The following SLC22A23 variants were observed in gnomAD, a reference collection of about 807,000 sequenced individuals.
SLC22A23 encodes the protein solute carrier family 22 member 23, also known as ion transporter protein.
A neutral mutation model predicts 61.0 loss-of-function variants in SLC22A23; 26 were observed. That is an observed-to-expected ratio of 0.43 (90% CI 0.31 to 0.59). SLC22A23 has a LOEUF of 0.59. Ranked by LOEUF, SLC22A23 falls within the 20% of genes least tolerant of loss-of-function variation. The pLI is 0.11. For missense variants in SLC22A23, 796 were observed against 934.7 expected (o/e 0.85, Z 1.94); for synonymous variants, 430 against 413.9 (o/e 1.04, Z -0.47).
intron 7 of SLC22A23, among the ~76,000 whole-genome samples, chr6:3,285,351 G>A (rs1233712832): frequency 6.6e-6 from 1 of 152,252 alleles, no homozygotes; most frequent in East Asian, 1.9e-4. Context: ...AGAGCCTGAG[G>A]AGAAAATGGA....
chr6:3,323,235 G>A (rs1763066551), intron 4 of SLC22A23: 1 of 456,362 alleles, frequency 2.2e-6, no homozygotes, highest in South Asian at 1.6e-5. Context: ...GGACCAGATA[G>A]TAAATATTTT....
In SLC22A23 at chr6:3,453,184, G is replaced by A. The variant is rs533133053; in HGVS notation, c.654+2722C>T. ...TTTTTGCACGTATGGAATAGCTTAAGTACTGTAGATTTTTCAGCCAGGAAA... is the reference window on the plus strand; with the variant it reads ...TTTTTGCACGTATGGAATAGCTTAAATACTGTAGATTTTTCAGCCAGGAAA... On this transcript the variant is annotated intron_variant, in intron 1 of 9. Transcript: ENST00000406686. Among the ~76,000 whole-genome samples the A allele has an allele frequency of 1.4e-4, 21 of 152,228 alleles. 1 individual carries two copies. The South Asian group carries it at 4.4e-3, about 32-fold the overall frequency.
At chr6:3,377,345 CTGATGGAA>C (rs1380187193) in intron 3 of SLC22A23, among the ~76,000 whole-genome samples, 1 of 152,060 alleles carries the variant, frequency 6.6e-6, no homozygotes, top group Non-Finnish European at 1.5e-5. Context: ...CTGCTGATTA[CTGATGGAA>C]TGATGGAATG....
intron 1 of SLC22A23, chr6:3,432,186 T>G: frequency 2.0e-6 from 2 of 985,178 alleles, no homozygotes; most frequent in Non-Finnish European, 2.4e-6. Context: ...CTCCTGCATC[T>G]GAGCCCAGTG....
intron 4 of SLC22A23, among the ~76,000 whole-genome samples, chr6:3,302,227 G>A (rs1285056970): frequency 6.6e-6 from 1 of 152,076 alleles, no homozygotes; most frequent in Non-Finnish European, 1.5e-5. Flanking sequence ...TGGCATATAG[G>A]TATTCATAGT....
intron 9 of SLC22A23, among the ~76,000 whole-genome samples, chr6:3,282,574 C>A (rs1199444885): frequency 6.6e-6 from 1 of 152,254 alleles, no homozygotes; most frequent in African/African-American, 2.4e-5. Context: ...CTGCCTTGGA[C>A]TGGAATAGCC....
At chr6:3,358,264 C>G (rs796087333) in intron 3 of SLC22A23, among the ~76,000 whole-genome samples, 8 of 150,702 alleles carry the variant, frequency 5.3e-5, no homozygotes, top group African/African-American at 2.0e-4. Flanking sequence ...AAGCACTTGA[C>G]GTGAGCGCTC....
In SLC22A23 at chr6:3,297,996, G is replaced by C. The variant is rs915364265; in HGVS notation, c.1210+95C>G. 2.9e-6 allele frequency: 4 copies of C among 1,377,414 alleles called. No individual in the cohort carries two copies. Among genetic ancestry groups the C allele is most frequent in the Non-Finnish European group, 3.8e-6 (4 of 1,052,208 alleles). The allele number at this position is 1,377,414 out of a possible 1,614,324, so 85.3% of individuals were successfully genotyped here. A position where few individuals can be genotyped will look rare whatever the true frequency, so the allele number is the denominator to read the frequency against. On this transcript the variant is annotated intron_variant, in intron 5 of 9. Coordinates refer to ENST00000406686, the MANE Select transcript of SLC22A23 (RefSeq NM_015482.2). The surrounding 1 kb of genome is among the most constrained non-coding windows in gnomAD (Gnocchi z 4.3). Reference sequence around the variant, plus strand: ...AGGTCACAGGAGAATTGCACAGCTGGTTAAAACAGCTGTTTGTGCAACAAA... The same window carrying C: ...AGGTCACAGGAGAATTGCACAGCTGCTTAAAACAGCTGTTTGTGCAACAAA...
intron 9 of SLC22A23, among the ~76,000 whole-genome samples, chr6:3,282,618 G>A (rs1759574473): frequency 6.6e-6 from 1 of 152,206 alleles, no homozygotes; most frequent in African/African-American, 2.4e-5. Context: ...TCATTATGCG[G>A]ACACCTGGGT....
chr6:3,445,852 GGGGCTCA>G (rs1350974864), intron 1 of SLC22A23, among the ~76,000 whole-genome samples: 1 of 152,090 alleles, frequency 6.6e-6, no homozygotes, highest in African/African-American at 2.4e-5. Flanking sequence ...AAAGACATGT[GGGGCTCA>G]GGGCTGAGGG....
At chr6:3,445,793 A>G (rs1329646679) in intron 1 of SLC22A23, among the ~76,000 whole-genome samples, 1 of 152,080 alleles carries the variant, frequency 6.6e-6, no homozygotes, top group African/African-American at 2.4e-5. Flanking sequence ...AACTATTAAT[A>G]TATACAAGAT....
intron 9 of SLC22A23, among the ~76,000 whole-genome samples, chr6:3,279,604 T>C (rs565157475): frequency 6.7e-6 from 1 of 149,906 alleles, no homozygotes; most frequent in Non-Finnish European, 1.5e-5. Flanking sequence ...TTTGGCTTTG[T>C]TTTTTTTTCT....
chr6:3,301,644 T>G (rs541411239), intron 4 of SLC22A23, among the ~76,000 whole-genome samples: 1 of 152,326 alleles, frequency 6.6e-6, no homozygotes, highest in East Asian at 1.9e-4. Context: ...CAGCCCCACC[T>G]TCCAACCCCT....
intron 3 of SLC22A23, among the ~76,000 whole-genome samples, chr6:3,385,132 GA>G (rs1767207198): frequency 6.6e-6 from 1 of 152,210 alleles, no homozygotes. Flanking sequence ...TTCAGTTTGG[GA>G]AGATGAAAAG....
chr6:3,307,953 G>A (rs758847002), intron 4 of SLC22A23, among the ~76,000 whole-genome samples: 4 of 152,154 alleles, frequency 2.6e-5, no homozygotes, highest in Non-Finnish European at 5.9e-5. Context: ...AGAGGACACC[G>A]TACTCTGTGC....
intron 1 of SLC22A23, among the ~76,000 whole-genome samples, chr6:3,431,565 G>C (rs183793568): frequency 9.2e-5 from 14 of 152,302 alleles, no homozygotes; most frequent in Middle Eastern, 3.4e-3. Flanking sequence ...TCAGTCCTTC[G>C]TACCTTAGTG....
intron 9 of SLC22A23, among the ~76,000 whole-genome samples, chr6:3,275,796 G>A (rs570414447): frequency 2.4e-4 from 36 of 152,328 alleles, no homozygotes; most frequent in Non-Finnish European, 3.8e-4. Context: ...GTTAGCCAGG[G>A]TGGTCTTGAT....
At chr6:3,350,978 T>C (rs924697787) in intron 3 of SLC22A23, among the ~76,000 whole-genome samples, 1 of 63,616 alleles carries the variant, frequency 1.6e-5, no homozygotes, top group Non-Finnish European at 3.5e-5. Flanking sequence ...GAAAGATTTT[T>C]TTCTTAAAAA....
chr6:3,314,467 C>T (rs921838385), intron 4 of SLC22A23, among the ~76,000 whole-genome samples: 5 of 152,214 alleles, frequency 3.3e-5, no homozygotes, highest in Admixed American at 3.3e-4. Context: ...TCCTCATCTG[C>T]ACTGGAGGCC....
Sources: gnomAD v4.1 joint callset for allele counts (sites outside exome capture counted in the v4.1 genomes callset) on GRCh38, gnomAD v4.1.1 for gene constraint, Gnocchi (gnomAD v3.1) non-coding constraint, MANE v1.5 for transcripts, NCBI Gene and HGNC (gene_info 2026-07-23, HGNC 2026-07-21) for gene names.